The following IL16 variants were observed in gnomAD, a reference collection of about 807,000 sequenced individuals.
The protein encoded by IL16 is pro-interleukin-16.
In IL16, 67 loss-of-function variants were observed where a neutral mutation model predicts 110.1. That is an observed-to-expected ratio of 0.61 (90% CI 0.50 to 0.75). IL16 has a LOEUF of 0.75. Among genes scored for constraint, IL16 ranks in the 30% least tolerant of loss-of-function variants. IL16 has a pLI of 0.00. For missense variants in IL16, 1,545 were observed against 1,655.0 expected, an observed-to-expected ratio of 0.93 and a Z score of 1.15; for synonymous variants, 689 against 662.9, an observed-to-expected ratio of 1.04 and a Z score of -0.61.
chr15:81,291,484 G>T lies in IL16; in HGVS notation c.1420+944G>T, dbSNP rs1429698253. On this transcript the variant is annotated intron_variant, in intron 11 of 18. Transcript: ENST00000683961. ...AGAAAACTTTTTATTTAAAGAGAAA[G>T]TGAGTTAGGAGCTTGGCTGGCCTTG... 2.6e-5 allele frequency among the ~76,000 whole-genome samples: 4 copies of T among 152,176 alleles called. No individual in the cohort carries two copies. The East Asian group carries it at 5.8e-4, about 22-fold the overall frequency.
rs1567049023 is a variant in IL16, at chr15:81,306,600, G to T, written c.3805+55G>T. On this transcript the variant is annotated intron_variant, in intron 18 of 18. Coordinates refer to ENST00000683961, the MANE Select transcript of IL16 (RefSeq NM_172217.5). ...TCTCCAGTTGTGGGCATGTGGCCAG[G>T]CCCCCAAAAGGCTTCTGGGCACTTT... is the stretch of plus-strand genomic sequence containing the variant. The T allele has an allele frequency of 2.5e-6, 4 of 1,602,108 alleles. No homozygotes were observed. The East Asian group carries it at 8.9e-5, about 36-fold the overall frequency.
chr15:81,193,706 G>A (rs1895534605), upstream of IL16, among the ~76,000 whole-genome samples: 1 of 152,156 alleles, frequency 6.6e-6, no homozygotes, highest in Non-Finnish European at 1.5e-5. Flanking sequence ...CGGGAATCAA[G>A]GGACCAATGG....
chr15:81,279,424 A>G, intron 7 of IL16, 134 bp from the exon 8 acceptor site: 1 of 623,832 alleles, frequency 1.6e-6, no homozygotes, highest in East Asian at 2.7e-5. Context: ...TATAATTTGT[A>G]ACATGTATGA....
intron 9 of IL16, among the ~76,000 whole-genome samples, chr15:81,283,901 G>A (rs1043067857): frequency 1.3e-5 from 2 of 151,780 alleles, no homozygotes; most frequent in Non-Finnish European, 2.9e-5. Flanking sequence ...TACTTGGGAG[G>A]CTGAGGCAGG....
At chr15:81,295,647 G>A (rs1899948770) in intron 12 of IL16, 2 of 430,074 alleles carry the variant, frequency 4.7e-6, no homozygotes, top group Non-Finnish European at 4.2e-6. Context: ...AGTTCGAGAA[G>A]CTCAATGATT....
intron 6 of IL16, 130 bp downstream of exon 6, chr15:81,273,334 C>A: frequency 1.7e-6 from 1 of 599,310 alleles, no homozygotes; most frequent in Non-Finnish European, 2.9e-6. Context: ...AGCATGCATC[C>A]TGGGGTCTGC....
At chr15:81,205,198 C>T (rs1276239876) in intron 1 of IL16, among the ~76,000 whole-genome samples, 2 of 151,396 alleles carry the variant, frequency 1.3e-5, no homozygotes, top group African/African-American at 2.4e-5. Flanking sequence ...CCCAGCTACT[C>T]GGGAGGCTAA....
intron 1 of IL16, chr15:81,183,006 C>T (rs1050830681): frequency 1.6e-6 from 1 of 607,208 alleles, no homozygotes; most frequent in Non-Finnish European, 2.7e-6. Flanking sequence ...TTTGGTCCCA[C>T]TGTGTAGTAT....
intron 6 of IL16, among the ~76,000 whole-genome samples, chr15:81,277,142 G>A (rs565093992): frequency 1.3e-5 from 2 of 152,302 alleles, no homozygotes; most frequent in African/African-American, 4.8e-5. Flanking sequence ...AGATGCAGCT[G>A]TAAGGAGAAT....
intron 1 of IL16, among the ~76,000 whole-genome samples, chr15:81,225,085 A>T (rs935163589): frequency 4.6e-5 from 7 of 152,118 alleles, no homozygotes; most frequent in Admixed American, 4.6e-4. Context: ...CTAGGTCTCC[A>T]TGACACTGGG....
intron 12 of IL16, among the ~76,000 whole-genome samples, chr15:81,296,215 CCT>C (rs972302164): frequency 2.0e-5 from 3 of 152,138 alleles, no homozygotes; most frequent in African/African-American, 7.2e-5. Flanking sequence ...TCCTCTGGGC[CCT>C]GACAGTACCT....
At chr15:81,188,126 C>T (rs1382368786) in intron 1 of IL16, among the ~76,000 whole-genome samples, 1 of 152,178 alleles carries the variant, frequency 6.6e-6, no homozygotes, top group Non-Finnish European at 1.5e-5. Context: ...GAGTTGTCCT[C>T]ATATTTCCTG....
Position 81,311,375 on chromosome 15 carries a change from T to G in IL16, c.*2577T>G, listed in dbSNP as rs543622594. The G allele has an allele frequency of 6.6e-6, 1 of 152,354 alleles. No homozygotes were observed. Among genetic ancestry groups the G allele is most frequent in the East Asian group, 1.9e-4 (1 of 5,188 alleles). 9.4% of individuals were successfully genotyped at this position (152,354 alleles called of 1,614,324 possible). A position where few individuals can be genotyped will look rare whatever the true frequency, so the allele number is the denominator to read the frequency against. ...GGTATTCCTGCCTCCATATTTTCTT[T>G]AAAAGACAAATCAAAGCAGATATAT... On this transcript the variant is annotated 3_prime_UTR_variant, in exon 19 of 19. Transcript: ENST00000683961.
intron 1 of IL16, among the ~76,000 whole-genome samples, chr15:81,201,059 G>C (rs1253973892): frequency 6.6e-6 from 1 of 152,104 alleles, no homozygotes; most frequent in Non-Finnish European, 1.5e-5. Context: ...GAGAACACAG[G>C]ATACCTGTCA....
Position 81,230,177 on chromosome 15 carries a change from A to C in IL16, c.312+4466A>C, listed in dbSNP as rs537309317. On this transcript the variant is annotated intron_variant, in intron 2 of 18. Transcript: ENST00000683961. ...CCTGGAGATGAATTCAAATGGGAGA[A>C]TGTCAAAAGTCAGGCTTCCTAAGTT... is the stretch of plus-strand genomic sequence containing the variant. Among the ~76,000 whole-genome samples the C allele has an allele frequency of 1.1e-4, 17 of 152,368 alleles. 1 individual carries two copies. In the South Asian group the frequency reaches 2.3e-3, roughly 20 times the overall value.
At chr15:81,279,126 C>T (rs1449364183) in intron 7 of IL16, among the ~76,000 whole-genome samples, 1 of 152,166 alleles carries the variant, frequency 6.6e-6, no homozygotes, top group Non-Finnish European at 1.5e-5. Flanking sequence ...TTTTAAAACA[C>T]TCTGTGTATT....
intron 2 of IL16, among the ~76,000 whole-genome samples, chr15:81,247,882 A>G (rs940200036): frequency 2.0e-5 from 3 of 152,198 alleles, no homozygotes; most frequent in Admixed American, 6.5e-5. Flanking sequence ...GGAGTGGGTC[A>G]TTCCAGTTAT....
In IL16 at chr15:81,292,612, G is replaced by C. The variant is rs539732264; in HGVS notation, c.1477G>C (p.Glu493Gln). The C allele has an allele frequency of 1.9e-6, 3 of 1,608,238 alleles. No homozygotes were observed. Among genetic ancestry groups the C allele is most frequent in the East Asian group, 2.2e-5 (1 of 44,682 alleles). Residue 493 changes from glutamate (E) to glutamine (Q), a missense_variant, in exon 12 of 19, where the codon GAG becomes CAG. By Grantham distance (29) the Glu-to-Gln change is conservative. Coordinates refer to ENST00000683961, the MANE Select transcript of IL16 (RefSeq NM_172217.5). ...HGRPTLEKER[E>Q]KNSAPPHRRA... ...GCGGCCCACCTTGGAGAAGGAACGAGAGAAGAACTCAGCACCCCCGCATCG... is the reference window on the plus strand; with the variant it reads ...GCGGCCCACCTTGGAGAAGGAACGACAGAAGAACTCAGCACCCCCGCATCG...
Position 81,300,425 on chromosome 15 carries a change from T to G in IL16, c.3099T>G (p.Ala1033=), listed in dbSNP as rs2141612443. The change falls in exon 14 of 19, where the codon GCT becomes GCG. Residue 1033 remains alanine, a synonymous_variant. Transcript: ENST00000683961. ...CATCATCATCCAACGAAGACTCAGC[T>G]GCAAATGGTTCTGCTGAAACATCTG... ...SPTSSSNEDS[A]ANGSAETSAL... is the part of the protein sequence containing the mutation. 1 of 1,614,190 alleles carries G rather than the reference T, an allele frequency of 6.2e-7. No individual in the cohort carries two copies. The highest frequency in any genetic ancestry group is 1.3e-5 in the African/African-American group (1 of 75,060).
Sources: gnomAD v4.1 joint callset for allele counts (sites outside exome capture counted in the v4.1 genomes callset) on GRCh38, gnomAD v4.1.1 for gene constraint, MANE v1.5 for transcripts, NCBI Gene and HGNC (gene_info 2026-07-23, HGNC 2026-07-21) for gene names.